The following HSPD1 variants were observed in gnomAD, a reference collection of about 807,000 sequenced individuals.
HSPD1 encodes heat shock protein family D (Hsp60) member 1, also known as 60 kDa heat shock protein, mitochondrial.
HSPD1 carries 3 observed loss-of-function variants against 53.0 expected under a neutral mutation model. The observed-to-expected ratio is 0.06, with a 90% CI of 0.03 to 0.15. The LOEUF is 0.15. Ranked by LOEUF, HSPD1 falls within the 10% of genes least tolerant of loss-of-function variation. The pLI, the probability that HSPD1 is intolerant of heterozygous loss-of-function variation, is 1.00. For synonymous variants in HSPD1, 200 were observed against 228.0 expected (o/e 0.88, Z 1.10); for missense variants, 431 against 694.1 (o/e 0.62, Z 4.26).
chr2:197,497,046 T>C (rs1441225151), intron 3 of HSPD1, 94 bp downstream of exon 3: 1 of 1,255,792 alleles, frequency 8.0e-7, no homozygotes, highest in Admixed American at 1.7e-5. Context: ...GAAGGATTAA[T>C]TTCCTCAAGT....
chr2:197,488,306 T>C lies in HSPD1; in HGVS notation c.1390+11A>G, dbSNP rs1559300295. The C allele has an allele frequency of 6.2e-7, 1 of 1,613,132 alleles. No homozygotes were observed. Among genetic ancestry groups the C allele is most frequent in the Admixed American group, 1.7e-5 (1 of 59,976 alleles). On this transcript the variant is annotated intron_variant, in intron 10 of 11. Transcript: ENST00000388968. ...TCAGGCCACAAACTCATTTAAAAGGTAACTTTTTACCAATTTTTTGATCTT... is the reference window on the plus strand; with the variant it reads ...TCAGGCCACAAACTCATTTAAAAGGCAACTTTTTACCAATTTTTTGATCTT...
intron 8 of HSPD1, among the ~76,000 whole-genome samples, chr2:197,489,679 G>A (rs892827969): frequency 2.6e-5 from 4 of 152,006 alleles, no homozygotes; most frequent in African/African-American, 9.7e-5. Context: ...GCAATACAGT[G>A]AGACCCGTCA....
At chr2:197,494,588 C>A in intron 5 of HSPD1, 69 bp downstream of exon 5, 1 of 1,092,748 alleles carries the variant, frequency 9.2e-7, no homozygotes, top group South Asian at 1.3e-5. Flanking sequence ...CAGTTTTGAT[C>A]ATCAGATAAC....
rs1574598144 is a variant in HSPD1 at position 197,490,570 on chromosome 2, C to T, written c.870-274G>A. The T allele has an allele frequency of 9.8e-6, 4 of 408,168 alleles. No homozygotes were observed. The East Asian group carries it at 2.1e-4, about 22-fold the overall frequency. 25.3% of individuals were successfully genotyped at this position (408,168 alleles called of 1,614,324 possible). On this transcript the variant is annotated intron_variant, in intron 7 of 11. Transcript: ENST00000388968. ...GCCTGGCCGGGCGTGGTGACTCAGG[C>T]CTGTAATCCCGGCACTTTGCAAGGC...
chr2:197,494,600 C>G, intron 5 of HSPD1, 57 bp downstream of exon 5: 1 of 810,384 alleles, frequency 1.2e-6, no homozygotes, highest in Non-Finnish European at 1.9e-6. Context: ...TCAGATAACT[C>G]AAACTTTTGA....
chr2:197,488,413 C>A lies in HSPD1; in HGVS notation c.1294G>T (p.Val432Phe), dbSNP rs184516277. 1 of 1,613,770 alleles carries A rather than the reference C, an allele frequency of 6.2e-7. No individual in the cohort carries two copies. Among genetic ancestry groups the A allele is most frequent in the Non-Finnish European group, 8.5e-7 (1 of 1,179,644 alleles). Reference protein sequence around the residue: ...TDALNATRAAVEEGIVLGGGC... With the variant: ...TDALNATRAAFEEGIVLGGGC... ...CCTCCCAAAACAATGCCTTCTTCAA[C>A]AGCAGCTCTTGTAGCATTAAGGGCA... The change falls in exon 10 of 12, where the codon GTT becomes TTT. Residue 432 changes from valine to phenylalanine, a missense_variant. By Grantham distance (50) the Val-to-Phe change is conservative. Around this residue, in one of 2 missense-constraint regions of HSPD1, gnomAD observed 386 missense variants for 657.6 expected, o/e 0.59. Coordinates refer to ENST00000388968, the MANE Select transcript of HSPD1 (RefSeq NM_002156.5).
At chr2:197,494,073 T>C in intron 6 of HSPD1, 84 bp downstream of exon 6, 1 of 732,574 alleles carries the variant, frequency 1.4e-6, no homozygotes, top group Non-Finnish European at 2.4e-6. Context: ...ATCATGCCAC[T>C]GCACTCCAGC....
In HSPD1 at chr2:197,488,037, C is replaced by CTA; in HGVS notation, c.1391-3_1391-2dup. Reference sequence around the variant, plus strand: ...AGTGTTCTTTTAATAATTTCTATACCTACAGAGAAATTTCAGCAAAATTTT... The same window carrying CTA: ...AGTGTTCTTTTAATAATTTCTATACCTATACAGAGAAATTTCAGCAAAATTTT... On this transcript the variant is annotated splice_acceptor_variant, in intron 10 of 11. Transcript: ENST00000388968. LOFTEE classifies it high-confidence loss of function. 1 of 1,588,932 alleles carries CTA rather than the reference C, an allele frequency of 6.3e-7. No individual in the cohort carries two copies. The highest frequency in any genetic ancestry group is 8.6e-7 in the Non-Finnish European group (1 of 1,161,622).
chr2:197,496,039 A>AGTTCTT (rs1178980299), intron 3 of HSPD1, among the ~76,000 whole-genome samples: 3 of 152,332 alleles, frequency 2.0e-5, no homozygotes, highest in African/African-American at 7.2e-5. Context: ...AAAAGGACCA[A>AGTTCTT]AATGGCTAAC....
intron 9 of HSPD1, 44 bp downstream of exon 9, chr2:197,488,958 T>C (rs761150636): frequency 1.9e-6 from 3 of 1,608,442 alleles, no homozygotes; most frequent in Admixed American, 3.3e-5. Context: ...AAATCATTCT[T>C]GGACTCAGAA....
At chr2:197,491,407 G>A (rs990708943) in intron 7 of HSPD1, among the ~76,000 whole-genome samples, 3 of 151,796 alleles carry the variant, frequency 2.0e-5, no homozygotes, top group African/African-American at 4.8e-5. Context: ...TGATCCACCC[G>A]CCTCGGCTTC....
rs757619883 is a variant in HSPD1, at chr2:197,498,754, A to G, written c.95T>C (p.Phe32Ser). 6.2e-7 allele frequency: 1 copy of G among 1,614,198 alleles called. No individual in the cohort carries two copies. The highest frequency in any genetic ancestry group is 1.7e-5 in the Admixed American group (1 of 60,018). ...LTRAYAKDVK[F>S]GADARALMLQ... ...CATTAAGGCTCGGGCATCTGCACCA[A>G]ATTTTACATCTTTGGCATAAGCCCG... is the stretch of plus-strand genomic sequence containing the variant. Residue 32 changes from phenylalanine to serine, a missense_variant, in exon 2 of 12, where the codon TTT becomes TCT. Around this residue, in one of 2 missense-constraint regions of HSPD1, gnomAD observed 386 missense variants for 657.6 expected, o/e 0.59. Transcript: ENST00000388968.
At chr2:197,494,426 T>C in intron 5 of HSPD1, 176 bp from the exon 6 acceptor site, 1 of 635,610 alleles carries the variant, frequency 1.6e-6, no homozygotes, top group Non-Finnish European at 2.8e-6. Flanking sequence ...CTTATTTGAA[T>C]AATCATTTAA....
At chr2:197,498,882 T>C in intron 1 of HSPD1, 32 bp from the exon 2 acceptor site, 1 of 1,601,732 alleles carries the variant, frequency 6.2e-7, no homozygotes, top group Non-Finnish European at 8.6e-7. Context: ...TCATCAGAAC[T>C]ACCACCCGTG....
At position 197,494,793 on chromosome 2, in the gene HSPD1, C is replaced by T. The variant is rs528788155; in HGVS notation, c.511-41G>A. 4.0e-5 allele frequency: 52 copies of T among 1,304,780 alleles called. 1 individual carries two copies. The South Asian group carries it at 6.1e-4, about 15-fold the overall frequency. 80.8% of individuals were successfully genotyped at this position (1,304,780 alleles called of 1,614,324 possible). A position where few individuals can be genotyped will look rare whatever the true frequency, so the allele number is the denominator to read the frequency against. On this transcript the variant is annotated intron_variant, in intron 4 of 11. Transcript: ENST00000388968. ...TACTCTTCGAAATTAAAAGGTAAGC[C>T]TAGTGTCCTCAGTCAGTTCCCTTAC... is the stretch of plus-strand genomic sequence containing the variant.
At chr2:197,493,648 A>G (rs372582157) in intron 6 of HSPD1, among the ~76,000 whole-genome samples, 156 bp from the exon 7 acceptor site, 3 of 152,196 alleles carry the variant, frequency 2.0e-5, no homozygotes, top group East Asian at 3.8e-4. Flanking sequence ...GAATATATAC[A>G]TTTATTTTTT....
At chr2:197,492,578 TA>T (rs1283494925) in intron 7 of HSPD1, among the ~76,000 whole-genome samples, 3 of 151,570 alleles carry the variant, frequency 2.0e-5, no homozygotes, top group Non-Finnish European at 4.4e-5. Context: ...AGAAAAACCT[TA>T]AAAAAACAAA....
Position 197,498,788 on chromosome 2 carries a change from G to C in HSPD1, c.61C>G (p.His21Asp), listed in dbSNP as rs377646493. The C allele has an allele frequency of 6.8e-6, 11 of 1,614,082 alleles. No homozygotes were observed. The African/African-American group carries it at 1.5e-4, about 22-fold the overall frequency. ...MRPVSRVLAP[H>D]LTRAYAKDVK... Reference sequence around the variant, plus strand: ...TCTTTGGCATAAGCCCGAGTGAGATGAGGAGCCAGTACCCTGGACACCGGT... The same window carrying C: ...TCTTTGGCATAAGCCCGAGTGAGATCAGGAGCCAGTACCCTGGACACCGGT... Residue 21 changes from histidine (H) to aspartate (D), a missense_variant, in exon 2 of 12, where the codon CAT (histidine) becomes GAT (aspartate). His to Asp is a moderately conservative substitution (Grantham distance 81). Coordinates refer to ENST00000388968, the MANE Select transcript of HSPD1 (RefSeq NM_002156.5).
chr2:197,499,466 C>G (rs1349841027), intron 1 of HSPD1: 3 of 155,640 alleles, frequency 1.9e-5, no homozygotes, highest in Non-Finnish European at 2.8e-5. Flanking sequence ...GGTTCCCTCA[C>G]GTACACCACC....
Sources: allele counts gnomAD v4.1 joint callset (sites outside exome capture counted in the v4.1 genomes callset), GRCh38; gene constraint gnomAD v4.1.1; regional missense constraint gnomAD v4.1.1; transcripts MANE v1.5; gene names NCBI Gene and HGNC (gene_info 2026-07-23, HGNC 2026-07-21).